The following ARHGAP10 variants were observed in gnomAD, a reference collection of about 807,000 sequenced individuals.
ARHGAP10 encodes Rho GTPase activating protein 10.
A neutral mutation model predicts 108.6 loss-of-function variants in ARHGAP10; 87 were observed. That is an observed-to-expected ratio of 0.80 (90% CI 0.67 to 0.96). The LOEUF (loss-of-function observed/expected upper bound fraction) is 0.96, where lower values mean the gene tolerates loss of function less well. ARHGAP10 is among the 40% of genes least tolerant of loss of function. The pLI is 0.00. For synonymous variants in ARHGAP10, 347 were observed against 341.1 expected (o/e 1.02, Z -0.19); for missense variants, 939 against 954.5 (o/e 0.98, Z 0.21).
intron 1 of ARHGAP10, among the ~76,000 whole-genome samples, chr4:147,773,180 T>C (rs1730143055): frequency 6.6e-6 from 1 of 152,226 alleles, no homozygotes; most frequent in African/African-American, 2.4e-5. Flanking sequence ...AAATAGCAGA[T>C]TTCCCTTCTA....
chr4:147,898,344 C>T (rs112200123), intron 10 of ARHGAP10, among the ~76,000 whole-genome samples: 2,440 of 152,160 alleles, frequency 0.016, 63 homozygotes, highest in African/African-American at 0.053. Flanking sequence ...TGTCTTCAGG[C>T]TTCCGTTTAT....
intron 18 of ARHGAP10, among the ~76,000 whole-genome samples, chr4:148,007,069 AAGG>A (rs532251026): frequency 2.0e-4 from 30 of 152,332 alleles, no homozygotes; most frequent in African/African-American, 7.2e-4. Context: ...AGCGCACTTC[AAGG>A]AGGTTAATCA....
At chr4:147,897,976 C>G (rs1253256547) in intron 10 of ARHGAP10, among the ~76,000 whole-genome samples, 1 of 152,140 alleles carries the variant, frequency 6.6e-6, no homozygotes, top group Non-Finnish European at 1.5e-5. Context: ...GCCTCAGCCT[C>G]CCGAGAAGCT....
chr4:148,033,424 TCTCA>T (rs1728239019), intron 19 of ARHGAP10, among the ~76,000 whole-genome samples: 1 of 152,238 alleles, frequency 6.6e-6, no homozygotes, highest in African/African-American at 2.4e-5. Flanking sequence ...TCAAAAATAT[TCTCA>T]CTTTTAAAGG....
At position 148,064,452 on chromosome 4, in the gene ARHGAP10, T is replaced by C; in HGVS notation, c.2217T>C (p.Cys739=). The change falls in exon 22 of 23, where the codon TGT becomes TGC. Residue 739 remains cysteine (C), a synonymous_variant. Transcript: ENST00000336498. ...GGAAGGCTCGAGCCGTGTATCCGTGTGAAGCAGAACACAGCTCGGAATTAT... is the reference window on the plus strand; with the variant it reads ...GGAAGGCTCGAGCCGTGTATCCGTGCGAAGCAGAACACAGCTCGGAATTAT... ...RSRKARAVYP[C]EAEHSSELSF... is the part of the protein sequence containing the mutation. 6.2e-7 allele frequency: 1 copy of C among 1,614,194 alleles called. No individual in the cohort carries two copies. Among genetic ancestry groups the C allele is most frequent in the South Asian group, 1.1e-5 (1 of 91,080 alleles).
chr4:147,791,610 C>T (rs550514390), intron 1 of ARHGAP10, among the ~76,000 whole-genome samples: 3 of 151,734 alleles, frequency 2.0e-5, no homozygotes, highest in Admixed American at 6.6e-5. Flanking sequence ...TTCCTCCCTG[C>T]GGGGCATGGA....
At chr4:147,970,208 T>C (rs1739353274) in intron 18 of ARHGAP10, among the ~76,000 whole-genome samples, 1 of 152,168 alleles carries the variant, frequency 6.6e-6, no homozygotes, top group Non-Finnish European at 1.5e-5. Context: ...GCAGGAAAAC[T>C]TCATATGGAT....
intron 1 of ARHGAP10, among the ~76,000 whole-genome samples, chr4:147,777,017 C>T (rs149660485): frequency 6.6e-6 from 1 of 152,276 alleles, no homozygotes; most frequent in African/African-American, 2.4e-5. Context: ...CTGATCTGAG[C>T]AACCTATGAC....
chr4:147,845,912 A>G (rs1733611662), intron 3 of ARHGAP10, among the ~76,000 whole-genome samples: 1 of 152,180 alleles, frequency 6.6e-6, no homozygotes, highest in Non-Finnish European at 1.5e-5. Flanking sequence ...GGTGCTTTGT[A>G]GGACTCTTTG....
chr4:147,743,249 G>T (rs1728766583), intron 1 of ARHGAP10, among the ~76,000 whole-genome samples: 1 of 151,928 alleles, frequency 6.6e-6, no homozygotes, highest in Non-Finnish European at 1.5e-5. Context: ...TGACCAGGAT[G>T]GTCTCGAATG....
At chr4:147,944,669 A>C (rs1738301799) in intron 14 of ARHGAP10, among the ~76,000 whole-genome samples, 1 of 152,200 alleles carries the variant, frequency 6.6e-6, no homozygotes, top group African/African-American at 2.4e-5. Context: ...ATACAGTATA[A>C]GGGAGGGAAA....
intron 21 of ARHGAP10, among the ~76,000 whole-genome samples, chr4:148,063,720 C>T (rs1180184912): frequency 6.6e-6 from 1 of 152,238 alleles, no homozygotes; most frequent in African/African-American, 2.4e-5. Context: ...CAGCCTCTTC[C>T]ACCTGTAGTG....
intron 13 of ARHGAP10, among the ~76,000 whole-genome samples, chr4:147,921,467 C>T (rs920072332): frequency 1.3e-5 from 2 of 152,020 alleles, no homozygotes; most frequent in African/African-American, 2.4e-5. Flanking sequence ...TTCTGCCTTT[C>T]GGGGACAGAA....
At chr4:147,913,016 G>A in intron 12 of ARHGAP10, 58 bp from the exon 13 acceptor site, 1 of 1,479,552 alleles carries the variant, frequency 6.8e-7, no homozygotes, top group South Asian at 1.2e-5. Flanking sequence ...TTTTTAAAAG[G>A]AAGAGAAATG....
intron 20 of ARHGAP10, among the ~76,000 whole-genome samples, chr4:148,052,004 A>G (rs866465705): frequency 3.3e-5 from 5 of 152,234 alleles, no homozygotes; most frequent in African/African-American, 7.2e-5. Flanking sequence ...CAGGAAGTCA[A>G]TAAATTTTGC....
intron 1 of ARHGAP10, among the ~76,000 whole-genome samples, chr4:147,777,734 T>A (rs1730356929): frequency 6.6e-6 from 1 of 152,198 alleles, no homozygotes; most frequent in Non-Finnish European, 1.5e-5. Context: ...ATAGTTTCCT[T>A]CTCTAAGTAG....
intron 19 of ARHGAP10, among the ~76,000 whole-genome samples, chr4:148,043,742 A>C (rs1201229224): frequency 7.6e-6 from 1 of 131,862 alleles, no homozygotes; most frequent in Non-Finnish European, 1.6e-5. Context: ...ATGTGTATAT[A>C]TATGTATATA....
At chr4:147,982,692 C>A (rs1409052878) in intron 18 of ARHGAP10, among the ~76,000 whole-genome samples, 2 of 151,630 alleles carry the variant, frequency 1.3e-5, no homozygotes, top group Non-Finnish European at 2.9e-5. Flanking sequence ...TGAGCCACCA[C>A]ACCTAGCCTG....
chr4:147,867,647 C>T (rs968418799), intron 7 of ARHGAP10, among the ~76,000 whole-genome samples: 5 of 151,968 alleles, frequency 3.3e-5, no homozygotes, highest in Admixed American at 6.6e-5. Context: ...GGGCAGATCG[C>T]GAGGTCAAGA....
Sources: allele counts gnomAD v4.1 joint callset (sites outside exome capture counted in the v4.1 genomes callset), GRCh38; gene constraint gnomAD v4.1.1; transcripts MANE v1.5; gene names NCBI Gene and HGNC (gene_info 2026-07-23, HGNC 2026-07-21).